Variants in BOP1 observed in about 807,000 individuals in gnomAD.
BOP1 encodes ribosome biogenesis protein BOP1.
BOP1 carries 54 observed loss-of-function variants against 82.9 expected under a neutral mutation model. The ratio of observed to expected loss-of-function variants is 0.65; its 90% CI spans 0.52 to 0.82. The LOEUF (loss-of-function observed/expected upper bound fraction) is 0.82, where lower values mean the gene tolerates loss of function less well. Among genes scored for constraint, BOP1 ranks in the 40% least tolerant of loss-of-function variants. BOP1 has a pLI of 0.00. For synonymous variants in BOP1, 566 were observed against 451.1 expected (o/e 1.25, Z -3.23); for missense variants, 1,170 against 1,072.0 (o/e 1.09, Z -1.28).
rs1361070394 is a variant in BOP1 at position 144,275,449 on chromosome 8, G to A, written c.390+775C>T. Reference sequence around the variant, plus strand: ...TCTCCACGCCGGCGGAACCCAGCCCGGTGCCAGCCTCTCCACGCTGGCGGA... The same window carrying A: ...TCTCCACGCCGGCGGAACCCAGCCCAGTGCCAGCCTCTCCACGCTGGCGGA... On this transcript the variant is annotated intron_variant, in intron 3 of 15. Transcript: ENST00000569669. 1.4e-4 allele frequency among the ~76,000 whole-genome samples: 7 copies of A among 48,822 alleles called. 1 individual carries two copies. Among genetic ancestry groups the A allele is most frequent in the African/African-American group, 5.8e-4 (7 of 12,092 alleles). The allele number at this position is 48,822 out of a possible 152,430, so 32.0% of individuals were successfully genotyped here. A position where few individuals can be genotyped will look rare whatever the true frequency, so the allele number is the denominator to read the frequency against.
At chr8:144,282,151 G>A (rs1380456517) in intron 2 of BOP1, among the ~76,000 whole-genome samples, 8 of 152,240 alleles carry the variant, frequency 5.3e-5, no homozygotes, top group African/African-American at 1.9e-4. Flanking sequence ...CTGCTGGAGA[G>A]GGGACAGGAA....
Position 144,263,107 on chromosome 8 carries a change from T to C in BOP1, c.1640A>G (p.Asp547Gly). The C allele has an allele frequency of 6.3e-7, 1 of 1,593,384 alleles. No homozygotes were observed. Among genetic ancestry groups the C allele is most frequent in the Non-Finnish European group, 8.5e-7 (1 of 1,178,746 alleles). ...GGTGGCCAGCACCACGGCCAGGTAG[T>C]CCCCACGCCCGTGCCAGGTCACCTG... ...VTQVTWHGRGDYLAVVLATQG... is the reference protein window; with the variant it reads ...VTQVTWHGRGGYLAVVLATQG... The change falls in exon 13 of 16, where the codon GAC (aspartate) becomes GGC (glycine). Residue 547 changes from aspartate (D) to glycine (G), a missense_variant. Transcript: ENST00000569669.
At chr8:144,275,992 C>T (rs1335870335) in intron 3 of BOP1, among the ~76,000 whole-genome samples, 2 of 152,198 alleles carry the variant, frequency 1.3e-5, no homozygotes, top group East Asian at 3.8e-4. Context: ...AGGTCCTTCC[C>T]CTTCACAAGC....
At chr8:144,267,680 C>T (rs1845409275) in intron 3 of BOP1, among the ~76,000 whole-genome samples, 1 of 152,098 alleles carries the variant, frequency 6.6e-6, no homozygotes, top group Non-Finnish European at 1.5e-5. Flanking sequence ...TCCTGTAGGG[C>T]TGCCCGAGAC....
At chr8:144,283,577 T>C (rs1360148020) in intron 2 of BOP1, among the ~76,000 whole-genome samples, 2 of 152,188 alleles carry the variant, frequency 1.3e-5, no homozygotes, top group Non-Finnish European at 2.9e-5. Context: ...CCTCCCAAAG[T>C]GCTGGGATTA....
At chr8:144,276,051 G>A (rs1315803691) in intron 3 of BOP1, among the ~76,000 whole-genome samples, 173 bp downstream of exon 3, 1 of 152,158 alleles carries the variant, frequency 6.6e-6, no homozygotes, top group Non-Finnish European at 1.5e-5. Flanking sequence ...CCCCGAAATT[G>A]CTCTTGCAGA....
chr8:144,291,314 C>T lies in BOP1; in HGVS notation c.57G>A (p.Lys19=), dbSNP rs1554840185. 8 of 1,440,854 alleles carry T rather than the reference C, an allele frequency of 5.6e-6. No individual in the cohort carries two copies. Among genetic ancestry groups the T allele is most frequent in the Non-Finnish European group, 6.4e-6 (7 of 1,096,302 alleles). 89.3% of individuals were successfully genotyped at this position (1,440,854 alleles called of 1,614,324 possible). The change falls in exon 1 of 16, where the codon AAG becomes AAA. Residue 19 remains lysine, a synonymous_variant. Coordinates refer to ENST00000569669, the MANE Select transcript of BOP1 (RefSeq NM_015201.5). This position sits in a 1 kb window ranked among gnomAD's most constrained non-coding sequence, Gnocchi z 4.1. The stretch of plus-strand genomic sequence containing the variant: ...GCTCCAGTTCGGGCTCAGACCGCCG[C>T]TTCTCCGGCCGCACGCTCGGCGCCG... ...RTAAPSVRPE[K]RRSEPELEPE...
At chr8:144,267,202 C>T in intron 3 of BOP1, 1 of 1,495,218 alleles carries the variant, frequency 6.7e-7, no homozygotes, top group Non-Finnish European at 8.8e-7. Flanking sequence ...CCGTGGGGCG[C>T]CGAGGGGGGC....
chr8:144,268,243 C>A, intron 3 of BOP1: 1 of 1,501,854 alleles, frequency 6.7e-7, no homozygotes, highest in Non-Finnish European at 9.0e-7. Context: ...TGGGCAAGGC[C>A]CACCGCAAGC....
chr8:144,276,179 G>A, intron 3 of BOP1, 45 bp downstream of exon 3: 1 of 1,604,638 alleles, frequency 6.2e-7, no homozygotes, highest in Non-Finnish European at 8.5e-7. Context: ...AGGCTGTGAT[G>A]GAAGCCGCCC....
At chr8:144,266,529 C>G in intron 3 of BOP1, 7 of 991,732 alleles carry the variant, frequency 7.1e-6, no homozygotes, top group Non-Finnish European at 8.4e-6. Flanking sequence ...CGCCTCGCCC[C>G]GGCCGGCCCG....
At chr8:144,283,201 CAAAAAAAAAAA>C (rs60868806) in intron 2 of BOP1, among the ~76,000 whole-genome samples, 1 of 54,346 alleles carries the variant, frequency 1.8e-5, no homozygotes, top group African/African-American at 1.4e-4. Flanking sequence ...AACTCCATCT[CAAAAAAAAAAA>C]AAAAAAAAAA....
rs782463141 is a variant in BOP1, at chr8:144,291,064, C to G, written c.99+208G>C. ...GCCCCGTCCCCACTCCCCGCTCCCC[C>G]GTTTCTTTGCTTCCCGGACGCCGTC... On this transcript the variant is annotated intron_variant, in intron 1 of 15. Coordinates refer to ENST00000569669, the MANE Select transcript of BOP1 (RefSeq NM_015201.5). This position sits in a 1 kb window ranked among gnomAD's most constrained non-coding sequence, Gnocchi z 4.1. 1.4e-4 allele frequency among the ~76,000 whole-genome samples: 22 copies of G among 152,028 alleles called. No individual in the cohort carries two copies. The highest frequency in any genetic ancestry group is 4.8e-4 in the African/African-American group (20 of 41,400).
intron 3 of BOP1, among the ~76,000 whole-genome samples, chr8:144,269,737 G>A (rs961980159): frequency 6.6e-6 from 1 of 152,204 alleles, no homozygotes; most frequent in African/African-American, 2.4e-5. Context: ...TCCGCCCGCC[G>A]GGAAGCCAGG....
In BOP1 at chr8:144,263,852, G is replaced by A. The variant is rs1012712026; in HGVS notation, c.1200C>T (p.Pro400=). The part of the protein sequence containing the change: ...PKLPRPRDLQ[P]FPTCQALVYR... ...TTACCAGGGCCTGGCACGTGGGGAA[G>A]GGCTGCAGGTCCCTCGGCCGAGGCA... The change falls in exon 9 of 16, where the codon CCC becomes CCT. Residue 400 remains proline, a synonymous_variant. Transcript: ENST00000569669. The A allele has an allele frequency of 4.3e-6, 7 of 1,611,530 alleles. No homozygotes were observed. The highest frequency in any genetic ancestry group is 1.3e-5 in the African/African-American group (1 of 74,990).
At chr8:144,277,046 C>T (rs999893067) in intron 2 of BOP1, among the ~76,000 whole-genome samples, 170 of 152,296 alleles carry the variant, frequency 1.1e-3, no homozygotes, top group Non-Finnish European at 1.7e-3. Context: ...TGGCTCCAAC[C>T]GGATCGGGTT....
In BOP1 at chr8:144,263,421, A is replaced by G; in HGVS notation, c.1425-20T>C. The G allele has an allele frequency of 6.3e-7, 1 of 1,597,752 alleles. No homozygotes were observed. The stretch of plus-strand genomic sequence containing the variant: ...TCCTCCCTGTGAGCCAGGCCCAGAC[A>G]CGGCCCCTAAGCACAGTGCCACCCC... On this transcript the variant is annotated intron_variant, in intron 11 of 15. Coordinates refer to ENST00000569669, the MANE Select transcript of BOP1 (RefSeq NM_015201.5).
chr8:144,265,190 CTGAGG>C, intron 3 of BOP1, 119 bp from the exon 4 acceptor site: 1 of 1,188,168 alleles, frequency 8.4e-7, no homozygotes, highest in Non-Finnish European at 1.2e-6. Context: ...CTCAAGTGCC[CTGAGG>C]TCACTGGCCC....
Position 144,264,049 on chromosome 8 carries a change from G to A in BOP1, c.1072C>T (p.Arg358Cys), listed in dbSNP as rs998536889. The A allele has an allele frequency of 8.2e-5, 132 of 1,609,982 alleles. 1 individual carries two copies. Among genetic ancestry groups the A allele is most frequent in the South Asian group, 3.6e-4 (33 of 91,056 alleles). ...PSLRAVPAYG[R>C]FIQERFERCL... ...CGCTCGAAGCGTTCCTGGATGAAGC[G>A]TCCGTAGGCAGGCACGGCCCGCAGG... The change falls in exon 8 of 16, where the codon CGC (arginine) becomes TGC (cysteine). Residue 358 changes from arginine (R) to cysteine (C), a missense_variant. Physicochemically the swap from Arg to Cys is radical, Grantham distance 180. Coordinates refer to ENST00000569669, the MANE Select transcript of BOP1 (RefSeq NM_015201.5).
Sources: gnomAD v4.1 joint callset for allele counts (sites outside exome capture counted in the v4.1 genomes callset) on GRCh38, gnomAD v4.1.1 for gene constraint, Gnocchi (gnomAD v3.1) non-coding constraint, MANE v1.5 for transcripts, NCBI Gene and HGNC (gene_info 2026-07-23, HGNC 2026-07-21) for gene names.